ZNF337: variants seen among roughly 807,000 people sequenced by gnomAD.
ZNF337 encodes zinc finger protein 337.
In ZNF337, 8 loss-of-function variants were observed where a neutral mutation model predicts 12.1. The observed-to-expected ratio is 0.66, with a 90% CI of 0.39 to 1.19. The LOEUF (loss-of-function observed/expected upper bound fraction) is 1.19, where lower values mean the gene tolerates loss of function less well. ZNF337 is among the 50% of genes most tolerant of loss of function. ZNF337 has a pLI of 0.01. For synonymous variants in ZNF337, 336 were observed against 320.0 expected (o/e 1.05, Z -0.53); for missense variants, 882 against 896.6 (o/e 0.98, Z 0.21).
intron 1 of ZNF337, among the ~76,000 whole-genome samples, chr20:25,693,297 G>A (rs191521523): frequency 2.0e-3 from 305 of 152,184 alleles, no homozygotes; most frequent in Admixed American, 3.7e-3. Context: ...GGCTGGTCTC[G>A]AACTCCTGGC....
At chr20:25,684,973 T>C (rs533996692) in intron 4 of ZNF337, among the ~76,000 whole-genome samples, 1 of 150,694 alleles carries the variant, frequency 6.6e-6, no homozygotes, top group African/African-American at 2.4e-5. Context: ...CTGGGGCATG[T>C]TGGGGGGTAG....
rs140614419 is a variant in ZNF337, at chr20:25,685,674, G to GAA, written c.155-14_155-13dup. On this transcript the variant is annotated splice_polypyrimidine_tract_variant and intron_variant, in intron 3 of 4. Transcript: ENST00000252979. ...AGAATGGAGAATTCCTGCTCACAGG[G>GAA]AAAAAAACCATGAGGTGACTCCTGG... 6.7e-3 allele frequency: 10,849 copies of GAA among 1,612,242 alleles called. 459 individuals are homozygous for GAA. In the African/African-American group the frequency reaches 0.1, roughly 15 times the overall value.
At chr20:25,684,695 T>A (rs73597850) in intron 4 of ZNF337, among the ~76,000 whole-genome samples, 1 of 152,116 alleles carries the variant, frequency 6.6e-6, no homozygotes, top group Non-Finnish European at 1.5e-5. Flanking sequence ...CTGCAGCACT[T>A]TTCACAATAG....
intron 4 of ZNF337, among the ~76,000 whole-genome samples, chr20:25,678,766 TGA>T (rs1178110764): frequency 3.3e-5 from 5 of 151,912 alleles, no homozygotes; most frequent in Non-Finnish European, 7.4e-5. Flanking sequence ...GGCAACACGA[TGA>T]GACCCCATCA....
intron 1 of ZNF337, among the ~76,000 whole-genome samples, chr20:25,688,965 T>C (rs2065859024): frequency 6.6e-6 from 1 of 151,892 alleles, no homozygotes; most frequent in South Asian, 2.1e-4. Flanking sequence ...CCGTCTCTAC[T>C]GAAAATACAA....
Position 25,676,591 on chromosome 20 carries a change from C to T in ZNF337, c.697G>A (p.Glu233Lys). Residue 233 changes from glutamate to lysine, a missense_variant, in exon 5 of 5, where the codon GAG (glutamate) becomes AAG (lysine). Coordinates refer to ENST00000252979, the MANE Select transcript of ZNF337 (RefSeq NM_015655.4). The stretch of plus-strand genomic sequence containing the variant: ...CACACACTGCACACATAGGACTTCT[C>T]TCCTGTGTGTGTGTTCTGGTGCAAG... ...LLLHQNTHTG[E>K]KSYVCSVCGR... 6.2e-7 allele frequency: 1 copy of T among 1,614,160 alleles called. No individual in the cohort carries two copies. The highest frequency in any genetic ancestry group is 8.5e-7 in the Non-Finnish European group (1 of 1,179,992).
chr20:25,692,851 A>T (rs1465265820), intron 1 of ZNF337, among the ~76,000 whole-genome samples: 1 of 152,176 alleles, frequency 6.6e-6, no homozygotes, highest in Non-Finnish European at 1.5e-5. Context: ...CTCCTAAGAT[A>T]AAAAAACAGC....
intron 1 of ZNF337, among the ~76,000 whole-genome samples, chr20:25,693,418 T>C (rs1228525719): frequency 6.6e-6 from 1 of 152,208 alleles, no homozygotes; most frequent in Non-Finnish European, 1.5e-5. Flanking sequence ...CTTCTTAGTC[T>C]GTGAAATGGG....
chr20:25,687,581 T>G (rs1203199649), intron 1 of ZNF337, among the ~76,000 whole-genome samples: 1 of 152,094 alleles, frequency 6.6e-6, no homozygotes, highest in East Asian at 1.9e-4. Flanking sequence ...AATACTATGG[T>G]GTTATGAAAA....
At chr20:25,685,295 C>T (rs954111340) in intron 4 of ZNF337, among the ~76,000 whole-genome samples, 5 of 152,116 alleles carry the variant, frequency 3.3e-5, no homozygotes, top group African/African-American at 7.2e-5. Flanking sequence ...GGCTTGCAGT[C>T]GGGCAGTCAC....
rs2065664129 is a variant in ZNF337, at chr20:25,675,204, G to C, written c.2084C>G (p.Thr695Ser). 6.8e-6 allele frequency: 11 copies of C among 1,614,224 alleles called. No individual in the cohort carries two copies. The Admixed American group carries it at 8.3e-5, about 12-fold the overall frequency. ...FVCQECKRGYTSKSDLTVHER... is the reference protein window; with the variant it reads ...FVCQECKRGYSSKSDLTVHER... ...ATGCACAGTGAGGTCTGACTTACTG[G>C]TATAGCCTCGCTTACACTCCTGGCA... The change falls in exon 5 of 5, where the codon ACC becomes AGC. Residue 695 changes from threonine (T) to serine (S), a missense_variant. Thr to Ser is a moderately conservative substitution (Grantham distance 58, BLOSUM62 1). Coordinates refer to ENST00000252979, the MANE Select transcript of ZNF337 (RefSeq NM_015655.4).
At chr20:25,688,849 C>T (rs756630108) in intron 1 of ZNF337, among the ~76,000 whole-genome samples, 1 of 152,138 alleles carries the variant, frequency 6.6e-6, no homozygotes, top group Admixed American at 6.5e-5. Context: ...AGTATCTCTG[C>T]CGGGCGCGGT....
intron 1 of ZNF337, among the ~76,000 whole-genome samples, chr20:25,695,195 T>TG: frequency 6.6e-6 from 1 of 152,048 alleles, no homozygotes; most frequent in Non-Finnish European, 1.5e-5. Context: ...TGCTCAAACC[T>TG]GGGAGGTGGA....
In ZNF337 at chr20:25,676,354, T is replaced by C. The variant is rs750281245; in HGVS notation, c.934A>G (p.Lys312Glu). 2.5e-6 allele frequency: 4 copies of C among 1,614,092 alleles called. No individual in the cohort carries two copies. In the East Asian group the frequency reaches 6.7e-5, roughly 27 times the overall value. Residue 312 changes from lysine to glutamate, a missense_variant, in exon 5 of 5, where the codon AAG becomes GAG. Physicochemically the swap from Lys to Glu is moderately conservative, Grantham distance 56. Transcript: ENST00000252979. ...AAAGGCTTCTCCCCTGAATGCGCCT[T>C]CAAGTGCTTGTTGTATGAGGACTTA... ...NDKSSYNKHL[K>E]AHSGEKPFVC...
At chr20:25,684,150 C>T (rs2065799497) in intron 4 of ZNF337, among the ~76,000 whole-genome samples, 1 of 132,646 alleles carries the variant, frequency 7.5e-6, no homozygotes, top group South Asian at 2.3e-4. Context: ...GGGAATTGAA[C>T]AATGAGAACA....
At chr20:25,684,129 C>T (rs1252303084) in intron 4 of ZNF337, among the ~76,000 whole-genome samples, 1 of 144,334 alleles carries the variant, frequency 6.9e-6, no homozygotes, top group Non-Finnish European at 1.5e-5. Context: ...CGCATGTTCT[C>T]ACTCATAGAT....
intron 4 of ZNF337, among the ~76,000 whole-genome samples, chr20:25,679,844 AC>A (rs2065750261): frequency 1.3e-5 from 2 of 152,200 alleles, no homozygotes; most frequent in Non-Finnish European, 2.9e-5. Flanking sequence ...GCAAAAGGAT[AC>A]CTGTACCCCC....
In ZNF337 at chr20:25,675,552, C is replaced by T. The variant is rs764950854; in HGVS notation, c.1736G>A (p.Arg579Gln). The T allele has an allele frequency of 2.7e-5, 43 of 1,613,590 alleles. No homozygotes were observed. The highest frequency in any genetic ancestry group is 1.6e-4 in the Middle Eastern group (1 of 6,080). ...GAGAGTTGATTTTAGGATGAAGCCT[C>T]GCCCGCAATCCTTGCAATTAAATGG... ...ERPFNCKDCG[R>Q]GFILKSTLLF... Residue 579 changes from arginine (R) to glutamine (Q), a missense_variant, in exon 5 of 5, where the codon CGA becomes CAA. Transcript: ENST00000252979.
At chr20:25,690,662 C>A (rs192608824) in intron 1 of ZNF337, among the ~76,000 whole-genome samples, 4 of 152,216 alleles carry the variant, frequency 2.6e-5, no homozygotes, top group African/African-American at 9.6e-5. Flanking sequence ...TGGGTGGAGA[C>A]ATACAACAGA....
Sources: allele counts gnomAD v4.1 joint callset (sites outside exome capture counted in the v4.1 genomes callset), GRCh38; gene constraint gnomAD v4.1.1; transcripts MANE v1.5; gene names NCBI Gene and HGNC (gene_info 2026-07-23, HGNC 2026-07-21).